CLEC4A: variants seen among roughly 807,000 people sequenced by gnomAD.
The protein encoded by CLEC4A is C-type lectin domain family 4 member A, also known as C-type (calcium dependent, carbohydrate-recognition domain) lectin, superfamily member 6.
Under a neutral mutation model 32.7 loss-of-function variants are expected in CLEC4A, and 27 were observed. The ratio of observed to expected loss-of-function variants is 0.83; its 90% CI spans 0.61 to 1.14. The LOEUF is 1.14. CLEC4A is among the 50% of genes most tolerant of loss of function. The pLI is 0.00. For missense variants in CLEC4A, 253 were observed against 274.6 expected, an observed-to-expected ratio of 0.92 and a Z score of 0.55; for synonymous variants, 89 against 93.7, an observed-to-expected ratio of 0.95 and a Z score of 0.29.
the CLEC4A span, among the ~76,000 whole-genome samples, chr12:8,117,591 A>G: frequency 3.2e-4 from 49 of 152,144 alleles, 1 homozygote; most frequent in Middle Eastern, 3.4e-3. Context: ...TTTAGGTGAC[A>G]ATGTGTTTCA....
intron 5 of CLEC4A, among the ~76,000 whole-genome samples, chr12:8,137,885 G>A (rs1050205735): frequency 6.6e-6 from 1 of 152,168 alleles, no homozygotes; most frequent in Non-Finnish European, 1.5e-5. Flanking sequence ...AAATAGAAGA[G>A]AACCTCTAGA....
intron 2 of CLEC4A, among the ~76,000 whole-genome samples, chr12:8,126,445 C>G (rs1172979099): frequency 6.7e-6 from 1 of 149,418 alleles, no homozygotes; most frequent in Non-Finnish European, 1.5e-5. Context: ...GTCCTGAACT[C>G]CTGGGCTCAA....
At chr12:8,103,371 CTGTTGTTTTTTTT>C in the CLEC4A span, among the ~76,000 whole-genome samples, 3 of 49,024 alleles carry the variant, frequency 6.1e-5, no homozygotes, top group Non-Finnish European at 1.2e-4. Flanking sequence ...TTGTTTCTTT[CTGTTGTTTTTTTT>C]TTTTTTTTTT....
At chr12:8,135,814 G>T in intron 4 of CLEC4A, 78 bp downstream of exon 4, 2 of 1,476,460 alleles carry the variant, frequency 1.4e-6, no homozygotes, top group Non-Finnish European at 1.8e-6. Context: ...GGAGGTTTTT[G>T]TTACTTTGGG....
At chr12:8,107,259 C>T in the CLEC4A span, among the ~76,000 whole-genome samples, 9 of 152,072 alleles carry the variant, frequency 5.9e-5, no homozygotes, top group African/African-American at 1.9e-4. Context: ...TTTTGATGTG[C>T]TACTGGATTT....
intron 4 of CLEC4A, 23 bp downstream of exon 4, chr12:8,135,759 G>T: frequency 6.2e-7 from 1 of 1,611,268 alleles, no homozygotes; most frequent in African/African-American, 1.3e-5. Flanking sequence ...AGATAATGGG[G>T]CTGTGAGCCC....
intron 3 of CLEC4A, among the ~76,000 whole-genome samples, chr12:8,133,197 G>A (rs1260605602): frequency 6.6e-6 from 1 of 152,136 alleles, no homozygotes; most frequent in East Asian, 1.9e-4. Context: ...TTACAGGTGT[G>A]AGCCACCACG....
chr12:8,111,919 G>GTA, the CLEC4A span, among the ~76,000 whole-genome samples: 1 of 132,164 alleles, frequency 7.6e-6, no homozygotes, highest in African/African-American at 2.9e-5. Flanking sequence ...ATGTGAGTGT[G>GTA]TATATGTGTG....
At chr12:8,103,663 C>T in the CLEC4A span, among the ~76,000 whole-genome samples, 4 of 152,114 alleles carry the variant, frequency 2.6e-5, no homozygotes, top group Non-Finnish European at 2.9e-5. Context: ...GGATTACAGG[C>T]GTGAGCCACT....
intron 2 of CLEC4A, among the ~76,000 whole-genome samples, chr12:8,128,159 C>A (rs2889630): frequency 0.66 from 99,660 of 151,980 alleles, 32,916 homozygotes; most frequent in African/African-American, 0.71. Flanking sequence ...CGGAGCTCAT[C>A]AAAGAGTGTA....
intron 3 of CLEC4A, chr12:8,134,754 C>T (rs1289210375): frequency 1.9e-6 from 3 of 1,559,528 alleles, no homozygotes; most frequent in Non-Finnish European, 2.6e-6. Flanking sequence ...TAGCCAGGTC[C>T]GAGGATCAAC....
the CLEC4A span, among the ~76,000 whole-genome samples, chr12:8,105,834 G>T: frequency 6.6e-6 from 1 of 152,066 alleles, no homozygotes; most frequent in South Asian, 2.1e-4. Context: ...CCATTCTGTT[G>T]GTTGTCTGTT....
chr12:8,125,711 T>G (rs768918126), intron 2 of CLEC4A, 34 bp downstream of exon 2: 1 of 1,241,694 alleles, frequency 8.1e-7, no homozygotes, highest in Non-Finnish European at 1.2e-6. Flanking sequence ...AAGCAATATC[T>G]GCTGTCCATG....
Position 8,136,820 on chromosome 12 carries a change from T to A in CLEC4A, c.483T>A (p.Ser161=). 2 of 1,613,368 alleles carry A rather than the reference T, an allele frequency of 1.2e-6. No individual in the cohort carries two copies. The highest frequency in any genetic ancestry group is 1.7e-6 in the Non-Finnish European group (2 of 1,179,350). The part of the protein sequence containing the change: ...DFIFQNLQEE[S]AYFVGLSDPE... ...TCTTCCAGAATCTGCAAGAAGAATCTGCTTATTTTGTGGGGCTCTCAGATC... is the reference window on the plus strand; with the variant it reads ...TCTTCCAGAATCTGCAAGAAGAATCAGCTTATTTTGTGGGGCTCTCAGATC... Residue 161 remains serine, a synonymous_variant, in exon 5 of 6, where the codon TCT becomes TCA. Transcript: ENST00000229332.
intron 5 of CLEC4A, among the ~76,000 whole-genome samples, chr12:8,137,395 A>C (rs1948141281): frequency 6.6e-6 from 1 of 152,122 alleles, no homozygotes; most frequent in African/African-American, 2.4e-5. Context: ...CCTCCCACCC[A>C]AGTCTTCTGA....
chr12:8,111,487 C>T, the CLEC4A span, among the ~76,000 whole-genome samples: 1 of 152,118 alleles, frequency 6.6e-6, no homozygotes, highest in African/African-American at 2.4e-5. Context: ...GCCTTCTAGA[C>T]ATTTTTTAAA....
At chr12:8,135,779 T>C (rs1274313334) in intron 4 of CLEC4A, 43 bp downstream of exon 4, 1 of 1,594,078 alleles carries the variant, frequency 6.3e-7, no homozygotes, top group Non-Finnish European at 8.6e-7. Flanking sequence ...CTGCCTGATC[T>C]TTGTATATCT....
chr12:8,134,104 C>G, intron 3 of CLEC4A: 1 of 1,593,352 alleles, frequency 6.3e-7, no homozygotes, highest in Non-Finnish European at 8.6e-7. Flanking sequence ...TCGGGCACCG[C>G]AGGAACAAAT....
chr12:8,126,065 A>T (rs1159509654), intron 2 of CLEC4A, among the ~76,000 whole-genome samples: 1 of 152,246 alleles, frequency 6.6e-6, no homozygotes, highest in Non-Finnish European at 1.5e-5. Flanking sequence ...ATGAGCAGGT[A>T]GACAACAAGG....
Sources: allele counts gnomAD v4.1 joint callset (sites outside exome capture counted in the v4.1 genomes callset), GRCh38; gene constraint gnomAD v4.1.1; transcripts MANE v1.5; gene names NCBI Gene and HGNC (gene_info 2026-07-23, HGNC 2026-07-21).